The following SDK1 variants were observed in gnomAD, a reference collection of about 807,000 sequenced individuals.
The protein encoded by SDK1 is sidekick cell adhesion molecule 1, also known as protein sidekick-1.
SDK1 carries 157 observed loss-of-function variants against 245.5 expected under a neutral mutation model. That is an observed-to-expected ratio of 0.64 (90% CI 0.56 to 0.73). The LOEUF is 0.73. Among genes scored for constraint, SDK1 ranks in the 30% least tolerant of loss-of-function variants. The pLI, the probability that SDK1 is intolerant of heterozygous loss-of-function variation, is 0.00. For missense variants in SDK1, 3,583 were observed against 3,002.3 expected, an observed-to-expected ratio of 1.19 and a Z score of -4.52; for synonymous variants, 1,647 against 1,278.5, an observed-to-expected ratio of 1.29 and a Z score of -6.15.
chr7:3,586,541 CA>C (rs113602540), intron 1 of SDK1, among the ~76,000 whole-genome samples: 3,209 of 133,270 alleles, frequency 0.024, 100 homozygotes, highest in Admixed American at 0.079. Context: ...ACAAAAAATA[CA>C]AAAAAAAAAA....
intron 1 of SDK1, among the ~76,000 whole-genome samples, chr7:3,423,023 A>C (rs1249482198): frequency 1.3e-5 from 2 of 152,210 alleles, no homozygotes; most frequent in Admixed American, 6.5e-5. Flanking sequence ...GTTAGTTTTA[A>C]AGTGTATCTG....
At chr7:3,482,844 A>T (rs1781559649) in intron 1 of SDK1, among the ~76,000 whole-genome samples, 1 of 152,254 alleles carries the variant, frequency 6.6e-6, no homozygotes, top group Non-Finnish European at 1.5e-5. Flanking sequence ...TAAAATGTAC[A>T]TCTTGATTAC....
chr7:3,536,705 C>A (rs933348455), intron 1 of SDK1, among the ~76,000 whole-genome samples: 7 of 150,080 alleles, frequency 4.7e-5, no homozygotes, highest in Non-Finnish European at 8.9e-5. Flanking sequence ...AAAAAAAAAA[C>A]AAAAACAAAA....
At chr7:4,002,287 G>A (rs1048577410) in intron 14 of SDK1, among the ~76,000 whole-genome samples, 2 of 152,182 alleles carry the variant, frequency 1.3e-5, no homozygotes, top group African/African-American at 4.8e-5. Flanking sequence ...AGTGGGTTCC[G>A]AAGCCTCACC....
At chr7:3,430,033 A>C (rs759557218) in intron 1 of SDK1, among the ~76,000 whole-genome samples, 84 of 152,322 alleles carry the variant, frequency 5.5e-4, no homozygotes, top group Non-Finnish European at 1.1e-3. Flanking sequence ...ATTACATTTC[A>C]AGTGCCAACT....
At chr7:3,999,237 A>C (rs1454302904) in intron 14 of SDK1, among the ~76,000 whole-genome samples, 1 of 152,048 alleles carries the variant, frequency 6.6e-6, no homozygotes, top group East Asian at 1.9e-4. Flanking sequence ...CTTTCTCCCC[A>C]TTCCCTTGGG....
At chr7:3,657,378 T>C (rs897866060) in intron 4 of SDK1, among the ~76,000 whole-genome samples, 1 of 152,074 alleles carries the variant, frequency 6.6e-6, no homozygotes, top group African/African-American at 2.4e-5. Context: ...GGAGGTAGCA[T>C]TCCCGGGTGG....
At chr7:3,408,556 T>G (rs1464585964) in intron 1 of SDK1, among the ~76,000 whole-genome samples, 1 of 152,212 alleles carries the variant, frequency 6.6e-6, no homozygotes, top group Non-Finnish European at 1.5e-5. Flanking sequence ...TTAATACATG[T>G]GAGTATCTCA....
intron 1 of SDK1, among the ~76,000 whole-genome samples, chr7:3,512,642 C>T (rs1782620229): frequency 6.6e-6 from 1 of 152,162 alleles, no homozygotes; most frequent in African/African-American, 2.4e-5. Flanking sequence ...GGATTTTGGC[C>T]ATTCTAGTGA....
intron 4 of SDK1, among the ~76,000 whole-genome samples, chr7:3,694,848 T>C (rs949363516): frequency 1.3e-5 from 2 of 152,212 alleles, no homozygotes; most frequent in African/African-American, 4.8e-5. Context: ...CAGGCCTTAC[T>C]GAAAATGATT....
chr7:3,542,768 TAAAG>T (rs1779094028), intron 1 of SDK1, among the ~76,000 whole-genome samples: 1 of 152,220 alleles, frequency 6.6e-6, no homozygotes, highest in African/African-American at 2.4e-5. Context: ...GAAGTGCTTT[TAAAG>T]AAGGTACAGA....
chr7:3,331,195 C>G (rs1271866169), intron 1 of SDK1, among the ~76,000 whole-genome samples: 1 of 151,954 alleles, frequency 6.6e-6, no homozygotes, highest in Non-Finnish European at 1.5e-5. Flanking sequence ...ATCTGGGAGG[C>G]AGAGATTGCA....
intron 30 of SDK1, among the ~76,000 whole-genome samples, chr7:4,150,951 C>G (rs932628028): frequency 6.6e-6 from 1 of 152,262 alleles, no homozygotes; most frequent in African/African-American, 2.4e-5. Context: ...GCTTCTGCCA[C>G]TTGCCGTTGA....
At chr7:3,749,112 G>A (rs921030504) in intron 4 of SDK1, among the ~76,000 whole-genome samples, 1 of 152,110 alleles carries the variant, frequency 6.6e-6, no homozygotes, top group African/African-American at 2.4e-5. Flanking sequence ...ATAAGTACAT[G>A]AAAGAAGGTT....
At chr7:3,844,496 G>A (rs1262362778) in intron 5 of SDK1, among the ~76,000 whole-genome samples, 2 of 152,184 alleles carry the variant, frequency 1.3e-5, no homozygotes, top group East Asian at 1.9e-4. Flanking sequence ...GGCTCCCAGG[G>A]AACTGTCGAG....
intron 1 of SDK1, among the ~76,000 whole-genome samples, chr7:3,608,899 C>T (rs1171445757): frequency 6.6e-6 from 1 of 152,126 alleles, no homozygotes; most frequent in Non-Finnish European, 1.5e-5. Context: ...CCCTCCTTTC[C>T]AGCCATGTAT....
At chr7:3,741,628 A>C (rs1779476579) in intron 4 of SDK1, among the ~76,000 whole-genome samples, 2 of 152,232 alleles carry the variant, frequency 1.3e-5, no homozygotes, top group Admixed American at 6.5e-5. Flanking sequence ...TGTAAATTGC[A>C]TAAAGCCTTT....
chr7:3,618,431 G>C (rs932656861), intron 1 of SDK1, among the ~76,000 whole-genome samples: 2 of 152,106 alleles, frequency 1.3e-5, no homozygotes, highest in African/African-American at 4.8e-5. Flanking sequence ...TGAAAATTCT[G>C]TCTGGCTTCT....
At chr7:3,686,530 A>G (rs1784286026) in intron 4 of SDK1, among the ~76,000 whole-genome samples, 1 of 152,248 alleles carries the variant, frequency 6.6e-6, no homozygotes, top group Non-Finnish European at 1.5e-5. Flanking sequence ...ATACATTGCC[A>G]GTGATAATGT....
Sources: gnomAD v4.1 joint callset for allele counts (sites outside exome capture counted in the v4.1 genomes callset) on GRCh38, gnomAD v4.1.1 for gene constraint, MANE v1.5 for transcripts, NCBI Gene and HGNC (gene_info 2026-07-23, HGNC 2026-07-21) for gene names.